The following IMPG1 variants were observed in gnomAD, a reference collection of about 807,000 sequenced individuals.
IMPG1 encodes the protein interphotoreceptor matrix proteoglycan of 150 kDa.
IMPG1 carries 85 observed loss-of-function variants against 92.0 expected under a neutral mutation model. The observed-to-expected ratio is 0.92, with a 90% CI of 0.78 to 1.11. IMPG1 has a LOEUF of 1.11. Ranked by LOEUF, IMPG1 falls within the 50% of genes least tolerant of loss-of-function variation. The pLI is 0.00. For missense variants in IMPG1, 1,022 were observed against 956.0 expected, an observed-to-expected ratio of 1.07 and a Z score of -0.91; for synonymous variants, 367 against 334.1, an observed-to-expected ratio of 1.10 and a Z score of -1.08.
At chr6:76,019,937 C>T (rs866492271) in intron 6 of IMPG1, among the ~76,000 whole-genome samples, 1 of 152,164 alleles carries the variant, frequency 6.6e-6, no homozygotes. Flanking sequence ...GATGAGTTGT[C>T]TTAGAAATTT....
chr6:75,999,741 C>A (rs1782957477), intron 12 of IMPG1, among the ~76,000 whole-genome samples: 1 of 152,166 alleles, frequency 6.6e-6, no homozygotes, highest in African/African-American at 2.4e-5. Context: ...CACTCTAGGT[C>A]CAGGTCAGCA....
intron 12 of IMPG1, among the ~76,000 whole-genome samples, chr6:75,976,497 G>A (rs1337885555): frequency 6.6e-6 from 1 of 152,066 alleles, no homozygotes; most frequent in African/African-American, 2.4e-5. Context: ...AGAAGCGGAG[G>A]TTGCAGTGAG....
chr6:75,975,196 C>A (rs1017366449), intron 12 of IMPG1, among the ~76,000 whole-genome samples: 12 of 152,206 alleles, frequency 7.9e-5, no homozygotes, highest in African/African-American at 2.9e-4. Flanking sequence ...GAGAAGCTCA[C>A]AGTGAAGGAT....
chr6:75,980,617 C>T (rs955738731), intron 12 of IMPG1, among the ~76,000 whole-genome samples: 1 of 152,184 alleles, frequency 6.6e-6, no homozygotes, highest in East Asian at 1.9e-4. Context: ...GTGCTGGGTG[C>T]TTTCTGCCCT....
At chr6:76,026,684 G>A (rs1443425181) in intron 4 of IMPG1, among the ~76,000 whole-genome samples, 2 of 152,214 alleles carry the variant, frequency 1.3e-5, no homozygotes, top group Non-Finnish European at 2.9e-5. Context: ...AAGAGTAAGA[G>A]GTTCTTCCCC....
intron 12 of IMPG1, among the ~76,000 whole-genome samples, chr6:75,975,102 A>C (rs1161200379): frequency 2.0e-5 from 3 of 152,244 alleles, no homozygotes; most frequent in African/African-American, 7.2e-5. Flanking sequence ...CCCTGAAGGC[A>C]GAGCCTGGGT....
intron 14 of IMPG1, among the ~76,000 whole-genome samples, chr6:75,931,604 A>G (rs890009380): frequency 6.6e-6 from 1 of 152,196 alleles, no homozygotes. Flanking sequence ...GTAAGCATTT[A>G]TAAAGCATTA....
intron 1 of IMPG1, among the ~76,000 whole-genome samples, chr6:76,042,449 G>A (rs189407346): frequency 1.3e-5 from 2 of 152,068 alleles, no homozygotes; most frequent in Non-Finnish European, 2.9e-5. Flanking sequence ...CCTCTCAAGA[G>A]ATGTCTCTTA....
intron 14 of IMPG1, among the ~76,000 whole-genome samples, chr6:75,933,924 C>T (rs1047173383): frequency 6.6e-6 from 1 of 152,212 alleles, no homozygotes; most frequent in Non-Finnish European, 1.5e-5. Context: ...GGTGAGAAAA[C>T]GGAAGCCCAT....
chr6:75,947,219 T>C, intron 14 of IMPG1, 95 bp downstream of exon 14: 1 of 901,446 alleles, frequency 1.1e-6, no homozygotes, highest in South Asian at 1.6e-5. Flanking sequence ...GTTTGATTTT[T>C]GTGGCCTAAA....
At chr6:75,947,893 C>T (rs1004351320) in intron 13 of IMPG1, among the ~76,000 whole-genome samples, 5 of 151,832 alleles carry the variant, frequency 3.3e-5, no homozygotes, top group African/African-American at 1.2e-4. Context: ...AAAATATGTT[C>T]CAAACTGAGC....
chr6:75,951,078 T>C lies in IMPG1; in HGVS notation c.1308A>G (p.Pro436=), dbSNP rs767578564. ...ACAGGGAGGTAGAGGCCATAGCAGG[T>C]GGAGACCAAGAAGTGTCTGTGGAGG... The part of the protein sequence containing the change: ...EHGLPDTSWS[P]PAMASTSLSE... The change falls in exon 13 of 17, where the codon CCA becomes CCG. Residue 436 remains proline, a synonymous_variant. Coordinates refer to ENST00000369950, the MANE Select transcript of IMPG1 (RefSeq NM_001563.4). 12 of 1,609,820 alleles carry C rather than the reference T, an allele frequency of 7.5e-6. No individual in the cohort carries two copies. In the Admixed American group the frequency reaches 2.0e-4, roughly 27 times the overall value.
chr6:76,063,685 G>GC (rs1198040600), intron 1 of IMPG1, among the ~76,000 whole-genome samples: 1 of 152,176 alleles, frequency 6.6e-6, no homozygotes, highest in Non-Finnish European at 1.5e-5. Context: ...GGAAATCTCA[G>GC]CCCTTGTGTT....
At chr6:75,989,565 G>C (rs968081498) in intron 12 of IMPG1, among the ~76,000 whole-genome samples, 6 of 152,186 alleles carry the variant, frequency 3.9e-5, no homozygotes, top group African/African-American at 1.4e-4. Flanking sequence ...CATCTTGGCC[G>C]GGTATGGTGG....
intron 1 of IMPG1, among the ~76,000 whole-genome samples, chr6:76,044,184 C>T (rs1245488974): frequency 2.0e-5 from 3 of 152,168 alleles, no homozygotes; most frequent in Non-Finnish European, 4.4e-5. Context: ...GAGCACACAG[C>T]TGTTAGTACC....
intron 12 of IMPG1, among the ~76,000 whole-genome samples, chr6:75,974,393 T>TCCTTCCTTCCTTCC (rs1562354842): frequency 1.5e-5 from 1 of 65,008 alleles, no homozygotes; most frequent in African/African-American, 5.9e-5. Flanking sequence ...CTTTCTTTCT[T>TCCTTCCTTCCTTCC]TTCTTTCTTT....
At chr6:76,006,650 A>T (rs982462325) in intron 9 of IMPG1, among the ~76,000 whole-genome samples, 7 of 151,954 alleles carry the variant, frequency 4.6e-5, no homozygotes, top group Admixed American at 1.3e-4. Flanking sequence ...AATTAAAAAA[A>T]TACAACTTTA....
intron 1 of IMPG1, among the ~76,000 whole-genome samples, chr6:76,065,298 A>T (rs1784290733): frequency 6.6e-6 from 1 of 152,106 alleles, no homozygotes; most frequent in Non-Finnish European, 1.5e-5. Context: ...AAGAAGCTTA[A>T]TGAGCTCTAA....
chr6:76,009,451 G>A (rs1211864742), intron 8 of IMPG1, among the ~76,000 whole-genome samples: 4 of 152,098 alleles, frequency 2.6e-5, no homozygotes, highest in Admixed American at 6.6e-5. Context: ...TCTTCTTCAG[G>A]GATCTGGCCC....
Sources: allele counts gnomAD v4.1 joint callset (sites outside exome capture counted in the v4.1 genomes callset), GRCh38; gene constraint gnomAD v4.1.1; transcripts MANE v1.5; gene names NCBI Gene and HGNC (gene_info 2026-07-23, HGNC 2026-07-21).